Variants in MYT1L observed in about 807,000 individuals in gnomAD.
MYT1L encodes the protein myelin transcription factor 1 like.
In MYT1L, 12 loss-of-function variants were observed where a neutral mutation model predicts 126.7. The observed-to-expected ratio is 0.09, with a 90% CI of 0.06 to 0.15. The LOEUF (loss-of-function observed/expected upper bound fraction) is 0.15. MYT1L is among the 10% of genes least tolerant of loss of function. The pLI is 1.00. For missense variants in MYT1L, 979 were observed against 1,585.2 expected (o/e 0.62, Z 6.49); for synonymous variants, 541 against 604.2 (o/e 0.90, Z 1.53).
chr2:2,253,833 C>A (rs150631962), intron 2 of MYT1L, among the ~76,000 whole-genome samples: 15 of 150,932 alleles, frequency 9.9e-5, no homozygotes, highest in African/African-American at 3.7e-4. Flanking sequence ...GTCGGAATTT[C>A]CCGGAAACAA....
chr2:2,271,333 G>C (rs192174367), intron 2 of MYT1L, among the ~76,000 whole-genome samples: 1 of 152,306 alleles, frequency 6.6e-6, no homozygotes, highest in Non-Finnish European at 1.5e-5. Flanking sequence ...GTTTATTCCA[G>C]TTAATGAAAG....
intron 3 of MYT1L, among the ~76,000 whole-genome samples, chr2:2,105,045 C>T (rs890786266): frequency 2.0e-5 from 3 of 152,310 alleles, no homozygotes; most frequent in African/African-American, 7.2e-5. Flanking sequence ...AAACAAGCTA[C>T]TAATTTCCTC....
intron 1 of MYT1L, among the ~76,000 whole-genome samples, chr2:2,290,979 T>C (rs1000707171): frequency 6.6e-6 from 1 of 151,374 alleles, no homozygotes; most frequent in Non-Finnish European, 1.5e-5. Context: ...AGGAAAAAGA[T>C]AAAACATTGA....
chr2:1,799,808 G>A (rs754118936), intron 23 of MYT1L, among the ~76,000 whole-genome samples: 2 of 152,224 alleles, frequency 1.3e-5, no homozygotes, highest in African/African-American at 2.4e-5. Context: ...GCAGGACCAG[G>A]TGGAGGTAAT....
At chr2:1,956,259 C>G (rs1389229166) in intron 8 of MYT1L, among the ~76,000 whole-genome samples, 1 of 141,436 alleles carries the variant, frequency 7.1e-6, no homozygotes, top group Non-Finnish European at 1.5e-5. Context: ...TCTATATTTC[C>G]TATTCTATCT....
rs2041342833 is a variant in MYT1L at position 1,839,365 on chromosome 2, G to C, written c.2864C>G (p.Pro955Arg). Residue 955 changes from proline (P) to arginine (R), a missense_variant, in exon 21 of 25, where the codon CCG (proline) becomes CGG (arginine). Transcript: ENST00000647738. Reference sequence around the variant, plus strand: ...GCCCTGGCCGTCGCACCCGGGGACCGGACACCTGTAGGCAGGCAGAGGTGA... The same window carrying C: ...GCCCTGGCCGTCGCACCCGGGGACCCGACACCTGTAGGCAGGCAGAGGTGA... ...DKEDQEPIRC[P>R]VPGCDGQGHI... 1 of 1,612,474 alleles carries C rather than the reference G, an allele frequency of 6.2e-7. No individual in the cohort carries two copies. Among genetic ancestry groups the C allele is most frequent in the Non-Finnish European group, 8.5e-7 (1 of 1,179,442 alleles).
intron 14 of MYT1L, among the ~76,000 whole-genome samples, chr2:1,897,758 G>A (rs866702628): frequency 5.3e-5 from 8 of 152,110 alleles, no homozygotes; most frequent in Non-Finnish European, 7.3e-5. Flanking sequence ...CCACCACGCC[G>A]GCCCAGAGCT....
rs2047514901 is a variant in MYT1L at position 1,881,355 on chromosome 2, CG to C, written c.2711+5183del. 5.0e-5 allele frequency among the ~76,000 whole-genome samples: 7 copies of C among 139,126 alleles called. No homozygotes were observed. The East Asian group carries it at 1.5e-3, about 30-fold the overall frequency. 91.3% of individuals were successfully genotyped at this position (139,126 alleles called of 152,430 possible). A position where few individuals can be genotyped will look rare whatever the true frequency, so the allele number is the denominator to read the frequency against. On this transcript the variant is annotated intron_variant, in intron 18 of 24. Transcript: ENST00000647738. ...GTGGTTTATTGTTGGTTTGCAGGTT[CG>C]TGTGTGTGTGTGTGTGTGTGTGTGT...
chr2:1,836,547 A>G (rs1266055831), intron 21 of MYT1L, among the ~76,000 whole-genome samples: 1 of 149,616 alleles, frequency 6.7e-6, no homozygotes, highest in African/African-American at 2.5e-5. Flanking sequence ...ATATTCCATC[A>G]GCCTGTGCCC....
intron 5 of MYT1L, among the ~76,000 whole-genome samples, chr2:1,993,688 T>C (rs1167441859): frequency 6.6e-6 from 1 of 152,234 alleles, no homozygotes; most frequent in Non-Finnish European, 1.5e-5. Flanking sequence ...ATTTCCAGAA[T>C]AGAGTTTTCT....
At chr2:1,824,061 G>A (rs1036603054) in intron 21 of MYT1L, among the ~76,000 whole-genome samples, 5 of 152,178 alleles carry the variant, frequency 3.3e-5, no homozygotes, top group South Asian at 2.1e-4. Context: ...TTTAGGGAAC[G>A]TGCCAAGCCC....
At position 2,272,379 on chromosome 2, in the gene MYT1L, C is replaced by A. The variant is rs1414542253; in HGVS notation, c.-421+12025G>T. Among the ~76,000 whole-genome samples the A allele has an allele frequency of 3.3e-5, 5 of 152,200 alleles. No homozygotes were observed. In the East Asian group the frequency reaches 9.6e-4, roughly 29 times the overall value. The stretch of plus-strand genomic sequence containing the variant: ...TCACCCTGCCCCCGCCCTCGCTGAG[C>A]CCTGGTGCTCTCAGAGGTGCTGCCT... On this transcript the variant is annotated intron_variant, in intron 2 of 24. Transcript: ENST00000647738.
In MYT1L at chr2:2,102,604, A is replaced by ATGTGTGTGTG. The variant is rs3047992; in HGVS notation, c.-303-48491_-303-48482dup. Among the ~76,000 whole-genome samples, 154 of 143,118 alleles carry ATGTGTGTGTG rather than the reference A, an allele frequency of 1.1e-3. 1 individual carries two copies. The highest frequency in any genetic ancestry group is 3.6e-3 in the African/African-American group (141 of 39,000). 93.9% of individuals were successfully genotyped at this position (143,118 alleles called of 152,430 possible). ...TCCATTTTGGCAATGCCTCTTGGGA[A>ATGTGTGTGTG]TGTGTGTGTGTGTGTGTGTGTGTGT... On this transcript the variant is annotated intron_variant, in intron 3 of 24. Coordinates refer to ENST00000647738, the MANE Select transcript of MYT1L (RefSeq NM_001303052.2).
chr2:2,302,326 T>A (rs2095797658), intron 1 of MYT1L, among the ~76,000 whole-genome samples: 1 of 152,218 alleles, frequency 6.6e-6, no homozygotes, highest in African/African-American at 2.4e-5. Context: ...TGTCTAAATA[T>A]TCAGAAATTT....
chr2:2,033,973 T>C (rs1180461407), intron 4 of MYT1L, among the ~76,000 whole-genome samples: 6 of 152,100 alleles, frequency 3.9e-5, no homozygotes, highest in African/African-American at 1.2e-4. Flanking sequence ...TTCCGACAAA[T>C]AAATGCACTT....
At chr2:2,166,094 C>T (rs1324883059) in intron 3 of MYT1L, among the ~76,000 whole-genome samples, 1 of 152,112 alleles carries the variant, frequency 6.6e-6, no homozygotes, top group Non-Finnish European at 1.5e-5. Context: ...CTAGAAAATC[C>T]GATAGGAGAA....
chr2:2,251,129 G>C (rs1266768640), intron 2 of MYT1L, among the ~76,000 whole-genome samples: 2 of 152,070 alleles, frequency 1.3e-5, no homozygotes, highest in Non-Finnish European at 2.9e-5. Context: ...CGTGGAATTA[G>C]ATCATTCTGT....
At chr2:2,185,725 A>C (rs1265565816) in intron 2 of MYT1L, among the ~76,000 whole-genome samples, 440 of 53,572 alleles carry the variant, frequency 8.2e-3, no homozygotes, top group Admixed American at 0.011. Flanking sequence ...CGCGTTCCTT[A>C]CGTGAGGCGG....
At chr2:2,108,059 A>G (rs957478614) in intron 3 of MYT1L, among the ~76,000 whole-genome samples, 1 of 152,208 alleles carries the variant, frequency 6.6e-6, no homozygotes, top group Non-Finnish European at 1.5e-5. Flanking sequence ...TTACCAACAG[A>G]AACGAACACC....
Sources: allele counts gnomAD v4.1 joint callset (sites outside exome capture counted in the v4.1 genomes callset), GRCh38; gene constraint gnomAD v4.1.1; transcripts MANE v1.5; gene names NCBI Gene and HGNC (gene_info 2026-07-23, HGNC 2026-07-21).